Variants in GDPD1 observed in about 807,000 individuals in gnomAD.
GDPD1 encodes glycerophosphodiester phosphodiesterase domain containing 1, also known as lysophospholipase D GDPD1.
A neutral mutation model predicts 45.1 loss-of-function variants in GDPD1; 28 were observed. The observed-to-expected ratio is 0.62, with a 90% CI of 0.46 to 0.85. The LOEUF is 0.85. Among genes scored for constraint, GDPD1 ranks in the 40% least tolerant of loss-of-function variants. The pLI, the probability that GDPD1 is intolerant of heterozygous loss-of-function variation, is 0.00. For synonymous variants in GDPD1, 139 were observed against 131.4 expected, an observed-to-expected ratio of 1.06 and a Z score of -0.40; for missense variants, 256 against 364.8, an observed-to-expected ratio of 0.70 and a Z score of 2.43.
intron 1 of GDPD1, among the ~76,000 whole-genome samples, chr17:59,222,234 T>C (rs927305389): frequency 1.3e-5 from 2 of 152,016 alleles, no homozygotes; most frequent in Non-Finnish European, 2.9e-5. Flanking sequence ...TGAGATGGAG[T>C]CTCGGTCTGT....
At chr17:59,268,183 C>T (rs769756979) in intron 7 of GDPD1, among the ~76,000 whole-genome samples, 1 of 152,078 alleles carries the variant, frequency 6.6e-6, no homozygotes, top group African/African-American at 2.4e-5. Flanking sequence ...ATTCTACACA[C>T]GTAGAATGTG....
chr17:59,268,243 C>A (rs531085307), intron 7 of GDPD1, among the ~76,000 whole-genome samples: 1 of 152,108 alleles, frequency 6.6e-6, no homozygotes, highest in African/African-American at 2.4e-5. Flanking sequence ...AATTTGGAAT[C>A]GTTGGGGAGA....
At chr17:59,241,473 A>G (rs761320097) in intron 2 of GDPD1, among the ~76,000 whole-genome samples, 10 of 152,144 alleles carry the variant, frequency 6.6e-5, no homozygotes, top group Non-Finnish European at 1.3e-4. Flanking sequence ...ATGCGACACT[A>G]TGCCTGGCTA....
intron 6 of GDPD1, among the ~76,000 whole-genome samples, chr17:59,265,027 G>A (rs1741339010): frequency 6.6e-6 from 1 of 151,558 alleles, no homozygotes; most frequent in South Asian, 2.1e-4. Flanking sequence ...TTTTAGTAGA[G>A]GCAGGATTTC....
chr17:59,258,955 C>CTAG (rs1051978284), intron 6 of GDPD1, among the ~76,000 whole-genome samples: 1 of 151,102 alleles, frequency 6.6e-6, no homozygotes, highest in African/African-American at 2.4e-5. Context: ...GACCCCCTTT[C>CTAG]TATTATTATT....
rs578233964 is a variant in GDPD1 at position 59,246,174 on chromosome 17, G to A, written c.321+625G>A. Among the ~76,000 whole-genome samples the A allele has an allele frequency of 4.0e-5, 6 of 151,804 alleles. No individual in the cohort carries two copies. The South Asian group carries it at 1.0e-3, about 26-fold the overall frequency. ...TTCATTATAGTAAATACTCATGAAC[G>A]GAAGGAAAAATCATGCATAATGTTA... On this transcript the variant is annotated intron_variant, in intron 3 of 9. Transcript: ENST00000284116.
At chr17:59,254,059 TAAAAA>T (rs11284499) in intron 4 of GDPD1, among the ~76,000 whole-genome samples, 3 of 123,338 alleles carry the variant, frequency 2.4e-5, no homozygotes, top group Admixed American at 1.7e-4. Flanking sequence ...CATCTCTACT[TAAAAA>T]AAAAAAAAAA....
At chr17:59,266,769 C>A (rs916529472) in intron 6 of GDPD1, among the ~76,000 whole-genome samples, 1 of 151,996 alleles carries the variant, frequency 6.6e-6, no homozygotes, top group South Asian at 2.1e-4. Context: ...GTACTGTAAC[C>A]AACGCAGAAG....
intron 1 of GDPD1, 84 bp downstream of exon 1, chr17:59,220,835 A>G: frequency 6.8e-7 from 1 of 1,462,330 alleles, no homozygotes; most frequent in Non-Finnish European, 9.3e-7. Context: ...GCCGGGTGCC[A>G]ATCCCTGAGA....
chr17:59,225,730 A>G (rs1046540097), intron 1 of GDPD1, among the ~76,000 whole-genome samples: 2 of 151,924 alleles, frequency 1.3e-5, no homozygotes, highest in African/African-American at 4.8e-5. Context: ...TTATTTTATT[A>G]TTATTTTTTG....
chr17:59,225,912 G>A (rs1367088452), intron 1 of GDPD1, among the ~76,000 whole-genome samples: 2 of 151,186 alleles, frequency 1.3e-5, no homozygotes, highest in African/African-American at 4.9e-5. Context: ...AGTAGAGATG[G>A]GGTTCACCAT....
At position 59,254,059 on chromosome 17, in the gene GDPD1, TAA is replaced by T. The variant is rs11284499; in HGVS notation, c.368-3045_368-3044del. ...AACAAAGCAAGACTTCATCTCTACTTAAAAAAAAAAAAAAAAAAAGGGCCGGG... is the reference window on the plus strand; with the variant it reads ...AACAAAGCAAGACTTCATCTCTACTTAAAAAAAAAAAAAAAAAGGGCCGGG... On this transcript the variant is annotated intron_variant, in intron 4 of 9. Transcript: ENST00000284116. Among the ~76,000 whole-genome samples, 900 of 123,286 alleles carry T rather than the reference TAA, an allele frequency of 7.3e-3. 10 individuals are homozygous for T. Among genetic ancestry groups the T allele is most frequent in the Admixed American group, 0.02 (232 of 11,810 alleles). The allele number at this position is 123,286 out of a possible 152,430, so 80.9% of individuals were successfully genotyped here. A position where few individuals can be genotyped will look rare whatever the true frequency, so the allele number is the denominator to read the frequency against.
At chr17:59,230,770 A>C (rs1014351826) in intron 1 of GDPD1, among the ~76,000 whole-genome samples, 8 of 152,212 alleles carry the variant, frequency 5.3e-5, no homozygotes, top group Non-Finnish European at 1.0e-4. Flanking sequence ...CAGCAAAGAA[A>C]TACATTGACA....
chr17:59,269,555 G>T (rs528637358), intron 7 of GDPD1, among the ~76,000 whole-genome samples: 1 of 151,028 alleles, frequency 6.6e-6, no homozygotes, highest in East Asian at 2.0e-4. Context: ...TGGGCCAGGG[G>T]CTCCTGCCTG....
intron 8 of GDPD1, among the ~76,000 whole-genome samples, 164 bp from the exon 9 acceptor site, chr17:59,272,621 C>G (rs1442381844): frequency 6.6e-6 from 1 of 152,154 alleles, no homozygotes; most frequent in Non-Finnish European, 1.5e-5. Context: ...GGAGATCCAG[C>G]AATTAAGACA....
chr17:59,237,643 G>T (rs1331822976), intron 2 of GDPD1, among the ~76,000 whole-genome samples: 1 of 152,058 alleles, frequency 6.6e-6, no homozygotes, highest in African/African-American at 2.4e-5. Flanking sequence ...TTTCAAAATG[G>T]AGGTGAAGAT....
At chr17:59,244,343 C>T (rs1416908723) in intron 2 of GDPD1, among the ~76,000 whole-genome samples, 1 of 152,136 alleles carries the variant, frequency 6.6e-6, no homozygotes, top group African/African-American at 2.4e-5. Flanking sequence ...CTTCCCTTAC[C>T]AGTCGAATGC....
At position 59,245,490 on chromosome 17, in the gene GDPD1, G is replaced by T; in HGVS notation, c.262G>T (p.Asp88Tyr). The T allele has an allele frequency of 6.2e-7, 1 of 1,610,430 alleles. No homozygotes were observed. The highest frequency in any genetic ancestry group is 8.5e-7 in the Non-Finnish European group (1 of 1,176,874). Residue 88 changes from aspartate (D) to tyrosine (Y), a missense_variant, in exon 3 of 10, where the codon GAT (aspartate) becomes TAT (tyrosine). Physicochemically the swap from Asp to Tyr is radical, Grantham distance 160 (BLOSUM62 -3). Transcript: ENST00000284116. The part of the protein sequence containing the change: ...TKDEQVVVSH[D>Y]ENLKRATGVN... ...AGATGAACAAGTTGTAGTGTCACAT[G>T]ATGAGAATCTAAAGAGAGCAACTGG...
chr17:59,241,115 A>G (rs1306013560), intron 2 of GDPD1, among the ~76,000 whole-genome samples: 1 of 152,234 alleles, frequency 6.6e-6, no homozygotes, highest in Non-Finnish European at 1.5e-5. Context: ...TTTAAATACC[A>G]TCTAGATTTG....
Sources: gnomAD v4.1 joint callset for allele counts (sites outside exome capture counted in the v4.1 genomes callset) on GRCh38, gnomAD v4.1.1 for gene constraint, MANE v1.5 for transcripts, NCBI Gene and HGNC (gene_info 2026-07-23, HGNC 2026-07-21) for gene names.